The following ZBBX variants were observed in gnomAD, a reference collection of about 807,000 sequenced individuals.
ZBBX encodes the protein zinc finger B-box domain-containing protein 1.
A neutral mutation model predicts 108.5 loss-of-function variants in ZBBX; 101 were observed. The observed-to-expected ratio is 0.93, with a 90% confidence interval of 0.79 to 1.10. The LOEUF (loss-of-function observed/expected upper bound fraction) is 1.10, where lower values mean the gene tolerates loss of function less well. ZBBX is among the 50% of genes least tolerant of loss of function. The pLI, the probability that ZBBX is intolerant of heterozygous loss-of-function variation, is 0.00. For synonymous variants in ZBBX, 356 were observed against 323.4 expected (o/e 1.10, Z -1.08); for missense variants, 1,009 against 941.4 (o/e 1.07, Z -0.94).
At chr3:167,332,046 A>G (rs942695675) in intron 10 of ZBBX, among the ~76,000 whole-genome samples, 4 of 152,120 alleles carry the variant, frequency 2.6e-5, no homozygotes, top group African/African-American at 9.7e-5. Flanking sequence ...TTGAGCCCTA[A>G]CCCAGATGTA....
downstream of ZBBX, among the ~76,000 whole-genome samples, chr3:167,236,250 A>G (rs1380357681): frequency 1.3e-5 from 2 of 151,758 alleles, no homozygotes; most frequent in Non-Finnish European, 2.9e-5. Flanking sequence ...TTTTTACATC[A>G]TTCAATCTAA....
At chr3:167,195,571 C>A in the ZBBX span, among the ~76,000 whole-genome samples, 12 of 152,214 alleles carry the variant, frequency 7.9e-5, no homozygotes, top group African/African-American at 2.4e-4. Context: ...TTAAACGAAA[C>A]CATTTTTCTT....
At chr3:167,325,402 A>G (rs566240832) in intron 11 of ZBBX, among the ~76,000 whole-genome samples, 22 of 152,226 alleles carry the variant, frequency 1.4e-4, no homozygotes, top group African/African-American at 5.1e-4. Flanking sequence ...TAAAACCATC[A>G]TATCTTGTGA....
At chr3:167,354,664 T>C (rs1402901149) in intron 8 of ZBBX, among the ~76,000 whole-genome samples, 1 of 151,942 alleles carries the variant, frequency 6.6e-6, no homozygotes, top group Non-Finnish European at 1.5e-5. Flanking sequence ...TATATCATTA[T>C]ATTAATATGG....
chr3:167,307,776 GC>G (rs1222036856), intron 16 of ZBBX, among the ~76,000 whole-genome samples: 1 of 152,068 alleles, frequency 6.6e-6, no homozygotes, highest in Non-Finnish European at 1.5e-5. Flanking sequence ...GAAGATTGAA[GC>G]TGGACCCCTT....
chr3:167,352,661 C>A (rs931226697), intron 8 of ZBBX, among the ~76,000 whole-genome samples: 1 of 148,856 alleles, frequency 6.7e-6, no homozygotes, highest in Non-Finnish European at 1.5e-5. Context: ...CAAAGCCAGG[C>A]AAGGACACAA....
chr3:167,308,408 C>A (rs1734026715), intron 16 of ZBBX, among the ~76,000 whole-genome samples: 1 of 152,064 alleles, frequency 6.6e-6, no homozygotes, highest in Non-Finnish European at 1.5e-5. Flanking sequence ...TGGTGATTTT[C>A]AAAGACATAA....
At chr3:167,306,357 G>GGGAATAAAT (rs1733646706) in intron 16 of ZBBX, among the ~76,000 whole-genome samples, 1 of 152,138 alleles carries the variant, frequency 6.6e-6, no homozygotes, top group African/African-American at 2.4e-5. Flanking sequence ...AGCATGCCTA[G>GGGAATAAAT]CAATAAAGAG....
intron 20 of ZBBX, among the ~76,000 whole-genome samples, chr3:167,245,914 G>A (rs1450375187): frequency 6.6e-6 from 1 of 152,230 alleles, no homozygotes; most frequent in East Asian, 1.9e-4. Context: ...TTGATTTGAA[G>A]TAAAGGTTTC....
chr3:167,351,590 A>C (rs1227020825), intron 8 of ZBBX, among the ~76,000 whole-genome samples: 3 of 152,076 alleles, frequency 2.0e-5, no homozygotes. Flanking sequence ...AACTATGGAG[A>C]GATCTAGGAG....
At chr3:167,395,469 A>G (rs1328025394) in intron 1 of ZBBX, among the ~76,000 whole-genome samples, 1 of 150,848 alleles carries the variant, frequency 6.6e-6, no homozygotes, top group Non-Finnish European at 1.5e-5. Flanking sequence ...TATAGAGTAA[A>G]TAATTCTGAG....
At chr3:167,220,011 A>G in the ZBBX span, among the ~76,000 whole-genome samples, 1 of 152,140 alleles carries the variant, frequency 6.6e-6, no homozygotes, top group South Asian at 2.1e-4. Context: ...AATTGGATAA[A>G]TTTCTAGACA....
At chr3:167,255,413 C>T (rs1260791493) in intron 20 of ZBBX, among the ~76,000 whole-genome samples, 2 of 151,516 alleles carry the variant, frequency 1.3e-5, no homozygotes, top group African/African-American at 4.9e-5. Flanking sequence ...AATGCTGGTA[C>T]TAAACATTTA....
chr3:167,322,294 ATCTTC>A, intron 11 of ZBBX, 57 bp from the exon 12 acceptor site: 1 of 1,364,962 alleles, frequency 7.3e-7, no homozygotes, highest in Non-Finnish European at 9.6e-7. Context: ...AAATTACTAT[ATCTTC>A]TCTTAAGATG....
intron 20 of ZBBX, among the ~76,000 whole-genome samples, chr3:167,263,486 T>C (rs1332258333): frequency 6.6e-6 from 1 of 152,244 alleles, no homozygotes; most frequent in East Asian, 1.9e-4. Context: ...ATTGATACAC[T>C]GGTCATTTGG....
At chr3:167,253,947 A>T (rs922619490) in intron 20 of ZBBX, among the ~76,000 whole-genome samples, 2 of 152,230 alleles carry the variant, frequency 1.3e-5, no homozygotes, top group African/African-American at 4.8e-5. Flanking sequence ...TTAACCTCAA[A>T]GATGGAGCAA....
At chr3:167,278,867 C>A (rs1422003460) in intron 20 of ZBBX, among the ~76,000 whole-genome samples, 1 of 151,892 alleles carries the variant, frequency 6.6e-6, no homozygotes, top group African/African-American at 2.4e-5. Context: ...TACTGGCAAA[C>A]AGAATCCAGC....
chr3:167,343,544 C>T (rs1445777445), intron 9 of ZBBX, among the ~76,000 whole-genome samples: 2 of 151,852 alleles, frequency 1.3e-5, no homozygotes, highest in Non-Finnish European at 2.9e-5. Flanking sequence ...ACTGAACTGT[C>T]CCACATCCAG....
At chr3:167,376,204 G>A (rs542616418) in intron 2 of ZBBX, among the ~76,000 whole-genome samples, 1 of 152,298 alleles carries the variant, frequency 6.6e-6, no homozygotes, top group East Asian at 1.9e-4. Flanking sequence ...TTTTGGGAGG[G>A]AGGTGGTAGC....
Sources: allele counts gnomAD v4.1 joint callset (sites outside exome capture counted in the v4.1 genomes callset), GRCh38; gene constraint gnomAD v4.1.1; transcripts MANE v1.5; gene names NCBI Gene and HGNC (gene_info 2026-07-23, HGNC 2026-07-21).